MYL11: variants seen among roughly 807,000 people sequenced by gnomAD.
MYL11 encodes myosin light chain 11.
the MYL11 span, among the ~76,000 whole-genome samples, chr16:30,371,434 T>C: frequency 0.39 from 59,196 of 151,860 alleles, 12,447 homozygotes; most frequent in African/African-American, 0.54. Context: ...TTCTCCGATC[T>C]CGGCCCCCAA....
chr16:30,377,741 G>T, the MYL11 span: 14 of 1,595,314 alleles, frequency 8.8e-6, no homozygotes, highest in Admixed American at 1.0e-4. Context: ...CAGCAAAGGG[G>T]CTGGGGCCGG....
the MYL11 span, chr16:30,376,325 C>G: frequency 6.5e-7 from 1 of 1,545,244 alleles, no homozygotes; most frequent in Non-Finnish European, 8.9e-7. Context: ...CCTCAGTCTA[C>G]CCAGCTGAAA....
the MYL11 span, among the ~76,000 whole-genome samples, chr16:30,374,079 T>C: frequency 1.3e-5 from 2 of 151,812 alleles, no homozygotes; most frequent in African/African-American, 4.8e-5. Flanking sequence ...TTGGGAGGCC[T>C]AGGTGGATGG....
At chr16:30,371,866 G>A in the MYL11 span, among the ~76,000 whole-genome samples, 7 of 152,066 alleles carry the variant, frequency 4.6e-5, no homozygotes, top group Admixed American at 1.3e-4. Context: ...AAGACCTGAC[G>A]TTATGAGCTC....
At chr16:30,377,928 C>G in the MYL11 span, 2 of 1,582,048 alleles carry the variant, frequency 1.3e-6, no homozygotes, top group Non-Finnish European at 1.7e-6. Context: ...CGCTGCCCGA[C>G]GCTTCTGTTC....
chr16:30,376,028 C>A, the MYL11 span: 3 of 1,477,832 alleles, frequency 2.0e-6, no homozygotes, highest in Non-Finnish European at 2.8e-6. Context: ...TTCCTCCCCT[C>A]TCTGCTTGGG....
the MYL11 span, among the ~76,000 whole-genome samples, chr16:30,375,471 A>G: frequency 1.4e-5 from 2 of 144,198 alleles, no homozygotes; most frequent in Non-Finnish European, 3.2e-5. Context: ...TCTCAAAAAA[A>G]AAAAAAAAAA....
chr16:30,377,935 G>C, the MYL11 span: 3 of 1,577,484 alleles, frequency 1.9e-6, no homozygotes, highest in African/African-American at 2.7e-5. Flanking sequence ...CGACGCTTCT[G>C]TTCGGCCCGA....
the MYL11 span, chr16:30,377,488 A>C: frequency 3.4e-6 from 2 of 595,512 alleles, no homozygotes; most frequent in Non-Finnish European, 5.4e-6. Context: ...TTTTCACAGC[A>C]AATGTGGGCG....
the MYL11 span, among the ~76,000 whole-genome samples, chr16:30,374,461 A>T: frequency 2.0e-5 from 3 of 152,150 alleles, no homozygotes; most frequent in Admixed American, 6.5e-5. Flanking sequence ...ACTGGGTTTA[A>T]ATCTGAGCCC....
chr16:30,376,627 C>A, the MYL11 span: 1 of 1,614,130 alleles, frequency 6.2e-7, no homozygotes, highest in Non-Finnish European at 8.5e-7. Flanking sequence ...CAGGTGCCGA[C>A]CCTGAGGATG....
At chr16:30,375,464 CAAA>C in the MYL11 span, among the ~76,000 whole-genome samples, 3 of 74,502 alleles carry the variant, frequency 4.0e-5, no homozygotes, top group Non-Finnish European at 3.1e-5. Flanking sequence ...GACTCTGTCT[CAAA>C]AAAAAAAAAA....
At chr16:30,375,373 A>G in the MYL11 span, among the ~76,000 whole-genome samples, 3 of 151,986 alleles carry the variant, frequency 2.0e-5, no homozygotes, top group East Asian at 5.8e-4. Flanking sequence ...GCTGGGGCAT[A>G]AGAATCGCTT....
the MYL11 span, chr16:30,375,969 C>G: frequency 6.4e-7 from 1 of 1,574,628 alleles, no homozygotes; most frequent in Middle Eastern, 1.7e-4. Context: ...TGCTGGCCCT[C>G]TCCCTGGAAT....
At chr16:30,376,434 G>A in the MYL11 span, 2 of 1,613,576 alleles carry the variant, frequency 1.2e-6, no homozygotes, top group Non-Finnish European at 1.7e-6. Flanking sequence ...CCGCCTCAAT[G>A]TGAAGAATGA....
chr16:30,373,496 T>C, the MYL11 span, among the ~76,000 whole-genome samples: 1 of 151,136 alleles, frequency 6.6e-6, no homozygotes, highest in African/African-American at 2.4e-5. Flanking sequence ...CTCGGGAGGC[T>C]GAAGCAGGAG....
At chr16:30,371,319 T>C in the MYL11 span, among the ~76,000 whole-genome samples, 4 of 152,136 alleles carry the variant, frequency 2.6e-5, no homozygotes, top group African/African-American at 4.8e-5. Context: ...CGGTCCCCTA[T>C]TCTTCGTTCA....
At chr16:30,371,866 G>C in the MYL11 span, among the ~76,000 whole-genome samples, 1 of 152,066 alleles carries the variant, frequency 6.6e-6, no homozygotes, top group Non-Finnish European at 1.5e-5. Flanking sequence ...AAGACCTGAC[G>C]TTATGAGCTC....
chr16:30,376,176 G>A, the MYL11 span: 2 of 1,614,060 alleles, frequency 1.2e-6, no homozygotes, highest in Non-Finnish European at 1.7e-6. Flanking sequence ...AACCGTGATG[G>A]TATTATAGAC....
Sources: gnomAD v4.1 joint callset for allele counts (sites outside exome capture counted in the v4.1 genomes callset) on GRCh38, gnomAD v4.1.1 for gene constraint, MANE v1.5 for transcripts, NCBI Gene and HGNC (gene_info 2026-07-23, HGNC 2026-07-21) for gene names.